TASP1: variants seen among roughly 807,000 people sequenced by gnomAD.
TASP1 encodes threonine aspartase 1.
Under a neutral mutation model 56.6 loss-of-function variants are expected in TASP1, and 16 were observed. The observed-to-expected ratio is 0.28, with a 90% CI of 0.19 to 0.43. The LOEUF is 0.43. TASP1 is among the 20% of genes least tolerant of loss of function. The probability of loss-of-function intolerance (pLI) is 1.00; values close to 1 mark genes in which losing one functional copy is unlikely to be tolerated. For synonymous variants in TASP1, 179 were observed against 184.2 expected, an observed-to-expected ratio of 0.97 and a Z score of 0.23; for missense variants, 393 against 511.6, an observed-to-expected ratio of 0.77 and a Z score of 2.24.
chr20:13,231,790 C>G, the TASP1 span, among the ~76,000 whole-genome samples: 1 of 152,146 alleles, frequency 6.6e-6, no homozygotes, highest in African/African-American at 2.4e-5. Flanking sequence ...GTTCTGTCTT[C>G]AAGTTTGGGT....
the TASP1 span, among the ~76,000 whole-genome samples, chr20:13,118,566 A>G: frequency 6.6e-6 from 1 of 152,284 alleles, no homozygotes; most frequent in Admixed American, 6.5e-5. Context: ...GGAGCCAGTT[A>G]TCTGAACAAT....
intron 11 of TASP1, among the ~76,000 whole-genome samples, chr20:13,472,705 G>T (rs902366917): frequency 6.6e-6 from 1 of 151,064 alleles, no homozygotes; most frequent in Non-Finnish European, 1.5e-5. Context: ...AAAAGAAGAC[G>T]TTTATGCAGC....
chr20:13,394,989 T>C (rs922185703), intron 13 of TASP1, among the ~76,000 whole-genome samples: 4 of 152,390 alleles, frequency 2.6e-5, no homozygotes, highest in East Asian at 1.9e-4. Flanking sequence ...AATTGCCTGA[T>C]AACCTAATCA....
chr20:13,577,349 T>A (rs1271299578), intron 6 of TASP1, among the ~76,000 whole-genome samples: 1 of 152,198 alleles, frequency 6.6e-6, no homozygotes, highest in Non-Finnish European at 1.5e-5. Flanking sequence ...CAGGTATGCA[T>A]CACATTGTTT....
intron 4 of TASP1, among the ~76,000 whole-genome samples, chr20:13,592,256 G>T (rs1372200170): frequency 1.3e-5 from 2 of 152,050 alleles, no homozygotes; most frequent in Admixed American, 6.6e-5. Flanking sequence ...AATTAGCTGG[G>T]CATGGTGGCG....
intron 13 of TASP1, among the ~76,000 whole-genome samples, chr20:13,405,572 A>G (rs964161455): frequency 5.3e-5 from 8 of 152,068 alleles, no homozygotes; most frequent in African/African-American, 1.7e-4. Context: ...TTTGAGATGG[A>G]GTCTCCCTCT....
chr20:13,111,184 T>C, the TASP1 span, among the ~76,000 whole-genome samples: 1 of 152,228 alleles, frequency 6.6e-6, no homozygotes, highest in Non-Finnish European at 1.5e-5. Context: ...GGGTTCTGGA[T>C]GTTCCCAGTC....
chr20:13,524,828 G>A (rs1234688269), intron 10 of TASP1, among the ~76,000 whole-genome samples: 1 of 152,140 alleles, frequency 6.6e-6, no homozygotes, highest in Non-Finnish European at 1.5e-5. Context: ...CGCATGTGTT[G>A]ACCCTTCAGT....
At chr20:13,531,075 G>A (rs1005950335) in intron 9 of TASP1, among the ~76,000 whole-genome samples, 6 of 152,224 alleles carry the variant, frequency 3.9e-5, no homozygotes, top group Middle Eastern at 3.4e-3. Context: ...GCGAATTAAC[G>A]TACTTGCTGA....
At chr20:13,424,144 A>AG (rs1326675337) in intron 12 of TASP1, among the ~76,000 whole-genome samples, 4 of 152,220 alleles carry the variant, frequency 2.6e-5, no homozygotes, top group Non-Finnish European at 5.9e-5. Context: ...AAATTTTAAA[A>AG]GGTCAAAATC....
chr20:13,241,278 A>G, the TASP1 span, among the ~76,000 whole-genome samples: 1 of 152,180 alleles, frequency 6.6e-6, no homozygotes, highest in African/African-American at 2.4e-5. Flanking sequence ...GAATATACAA[A>G]TAAGTCTTGC....
At chr20:13,186,701 C>T in the TASP1 span, among the ~76,000 whole-genome samples, 2 of 152,118 alleles carry the variant, frequency 1.3e-5, no homozygotes, top group Non-Finnish European at 2.9e-5. Context: ...AAGATAAAAA[C>T]AAGGATACTA....
chr20:13,476,273 T>A (rs2042948420), intron 11 of TASP1, among the ~76,000 whole-genome samples: 1 of 152,228 alleles, frequency 6.6e-6, no homozygotes, highest in African/African-American at 2.4e-5. Flanking sequence ...TGAGATTTCT[T>A]TGAGATCTGA....
intron 13 of TASP1, among the ~76,000 whole-genome samples, chr20:13,407,839 G>C (rs564807489): frequency 1.3e-5 from 2 of 152,122 alleles, no homozygotes; most frequent in African/African-American, 2.4e-5. Context: ...CTGATGTTGA[G>C]CATCTTTTCC....
the TASP1 span, among the ~76,000 whole-genome samples, chr20:13,358,341 C>A: frequency 6.6e-6 from 1 of 152,220 alleles, no homozygotes; most frequent in Non-Finnish European, 1.5e-5. Flanking sequence ...AATTTGGTGC[C>A]GTGACTTGGA....
At chr20:13,574,141 G>C (rs1316703175) in intron 6 of TASP1, among the ~76,000 whole-genome samples, 1 of 151,398 alleles carries the variant, frequency 6.6e-6, no homozygotes, top group Non-Finnish European at 1.5e-5. Context: ...AAGAAACAAA[G>C]TCCCCAAGTT....
At chr20:13,149,691 G>C in the TASP1 span, among the ~76,000 whole-genome samples, 1 of 152,196 alleles carries the variant, frequency 6.6e-6, no homozygotes, top group Admixed American at 6.5e-5. Flanking sequence ...AAAACATTTA[G>C]TTCTTAGGAG....
intron 11 of TASP1, among the ~76,000 whole-genome samples, chr20:13,456,694 G>C (rs1043766811): frequency 6.6e-6 from 1 of 152,032 alleles, no homozygotes; most frequent in Non-Finnish European, 1.5e-5. Context: ...CGTGACATCA[G>C]TGGCATTGAA....
chr20:13,583,698 A>G (rs1601336898), intron 5 of TASP1, among the ~76,000 whole-genome samples: 1 of 152,188 alleles, frequency 6.6e-6, no homozygotes, highest in East Asian at 1.9e-4. Context: ...GGTATTACAT[A>G]GGATAAAAGC....
Sources: gnomAD v4.1 joint callset for allele counts (sites outside exome capture counted in the v4.1 genomes callset) on GRCh38, gnomAD v4.1.1 for gene constraint, MANE v1.5 for transcripts, NCBI Gene and HGNC (gene_info 2026-07-23, HGNC 2026-07-21) for gene names.